The following CFAP57 variants were observed in gnomAD, a reference collection of about 807,000 sequenced individuals.
CFAP57 encodes the protein cilia- and flagella-associated protein 57.
CFAP57 carries 116 observed loss-of-function variants against 146.8 expected under a neutral mutation model. The observed-to-expected ratio is 0.79, with a 90% CI of 0.68 to 0.92. The LOEUF (loss-of-function observed/expected upper bound fraction) is 0.92, where lower values mean the gene tolerates loss of function less well. Among genes scored for constraint, CFAP57 ranks in the 40% least tolerant of loss-of-function variants. The pLI, the probability that CFAP57 is intolerant of heterozygous loss-of-function variation, is 0.00. For synonymous variants in CFAP57, 518 were observed against 552.8 expected (o/e 0.94, Z 0.88); for missense variants, 1,377 against 1,527.2 (o/e 0.90, Z 1.64).
intron 6 of CFAP57, among the ~76,000 whole-genome samples, chr1:43,193,332 A>T (rs1207311963): frequency 1.3e-5 from 2 of 151,974 alleles, no homozygotes; most frequent in African/African-American, 4.8e-5. Context: ...TTTTGATTGG[A>T]TTGTTTAATC....
At chr1:43,219,298 G>C in intron 12 of CFAP57, 84 bp from the exon 13 acceptor site, 1 of 1,392,636 alleles carries the variant, frequency 7.2e-7, no homozygotes, top group Non-Finnish European at 9.6e-7. Context: ...CAGAGCTGCA[G>C]GTCTCAGGTC....
intron 19 of CFAP57, 24 bp from the exon 20 acceptor site, chr1:43,234,255 A>T: frequency 1.3e-6 from 2 of 1,533,238 alleles, no homozygotes; most frequent in Non-Finnish European, 1.8e-6. Flanking sequence ...CTACAGCACC[A>T]GAAGGAAACG....
intron 6 of CFAP57, 122 bp downstream of exon 6, chr1:43,186,981 C>G (rs1231327102): frequency 5.3e-6 from 6 of 1,130,508 alleles, no homozygotes; most frequent in Middle Eastern, 2.5e-4. Flanking sequence ...CCCCTTAATA[C>G]AGAGCAAAAC....
At chr1:43,230,721 TC>T (rs1645433485) in intron 18 of CFAP57, among the ~76,000 whole-genome samples, 1 of 152,236 alleles carries the variant, frequency 6.6e-6, no homozygotes, top group South Asian at 2.1e-4. Context: ...AGTGGACGCA[TC>T]CCATCTTTTT....
chr1:43,251,977 T>A (rs1646335481), intron 22 of CFAP57, among the ~76,000 whole-genome samples: 3 of 152,230 alleles, frequency 2.0e-5, no homozygotes. Flanking sequence ...TTGAATGGAA[T>A]GTAGAATAAG....
chr1:43,234,145 G>T, intron 19 of CFAP57, 134 bp from the exon 20 acceptor site: 1 of 1,056,836 alleles, frequency 9.5e-7, no homozygotes, highest in Non-Finnish European at 1.3e-6. Flanking sequence ...GCCCAGTATG[G>T]CCCCTGGCAG....
In CFAP57 at chr1:43,186,361, C is replaced by A. The variant is rs563245970; in HGVS notation, c.970-346C>A. Among the ~76,000 whole-genome samples the A allele has an allele frequency of 5.3e-5, 8 of 152,204 alleles. No individual in the cohort carries two copies. In the South Asian group the frequency reaches 1.7e-3, roughly 32 times the overall value. On this transcript the variant is annotated intron_variant, in intron 5 of 22. Transcript: ENST00000372492. ...GCGCAGTTGCTCACGCCTGTAATCC[C>A]AGCACTTTGGAAGGCCGAGGCGGGC...
At position 43,243,539 on chromosome 1, in the gene CFAP57, G is replaced by A. The variant is rs147813664; in HGVS notation, c.3538+180G>A. On this transcript the variant is annotated intron_variant, in intron 22 of 22. Coordinates refer to ENST00000372492, the MANE Select transcript of CFAP57 (RefSeq NM_001378189.1). ...ATCCATGAGGGCCTTCCCACACTCC[G>A]ACACACACAGGTCCACAGTCCCCTG... Among the ~76,000 whole-genome samples the A allele has an allele frequency of 5.3e-3, 810 of 152,252 alleles. 9 individuals are homozygous for A. The highest frequency in any genetic ancestry group is 0.018 in the African/African-American group (768 of 41,538).
intron 2 of CFAP57, among the ~76,000 whole-genome samples, chr1:43,177,828 G>A (rs535734985): frequency 1.0e-3 from 154 of 152,312 alleles, no homozygotes; most frequent in Non-Finnish European, 1.9e-3. Flanking sequence ...GAGCTCAGGC[G>A]GTAATGCTTG....
rs1643923016 is a variant in CFAP57, at chr1:43,197,679, A to C, written c.1249A>C (p.Asn417His). The C allele has an allele frequency of 6.2e-7, 1 of 1,614,008 alleles. No individual in the cohort carries two copies. Among genetic ancestry groups the C allele is most frequent in the South Asian group, 1.1e-5 (1 of 91,084 alleles). Residue 417 changes from asparagine (N) to histidine (H), a missense_variant, in exon 7 of 23, where the codon AAT (asparagine) becomes CAT (histidine). By Grantham distance (68) the Asn-to-His change is moderately conservative (BLOSUM62 1). Transcript: ENST00000372492. ...TCTGGATCGATCCATCCGCCTTTGG[A>C]ATTATGAAACAAAGTAAGGAATGAA... Reference protein sequence around the residue: ...CSLDRSIRLWNYETNTLELFK... With the variant: ...CSLDRSIRLWHYETNTLELFK...
chr1:43,208,848 G>A (rs1192961205), intron 10 of CFAP57, among the ~76,000 whole-genome samples: 2 of 150,284 alleles, frequency 1.3e-5, no homozygotes, highest in Non-Finnish European at 3.0e-5. Flanking sequence ...GGGTGAATGA[G>A]TGCATGAATG....
chr1:43,172,609 CAAGGGGAGGAGA>C (rs1216158604), intron 1 of CFAP57, 114 bp from the exon 2 acceptor site: 1 of 768,888 alleles, frequency 1.3e-6, no homozygotes, highest in Non-Finnish European at 2.1e-6. Context: ...AGGGGAGGGA[CAAGGGGAGGAGA>C]AAGGGGAGAG....
At chr1:43,251,520 G>T (rs1053039856) in intron 22 of CFAP57, among the ~76,000 whole-genome samples, 2 of 152,092 alleles carry the variant, frequency 1.3e-5, no homozygotes, top group Non-Finnish European at 2.9e-5. Flanking sequence ...AGAGAAGAAG[G>T]GTAAATTTCT....
intron 2 of CFAP57, among the ~76,000 whole-genome samples, chr1:43,181,238 AT>A (rs1164398601): frequency 1.3e-5 from 2 of 151,958 alleles, no homozygotes; most frequent in Admixed American, 6.6e-5. Flanking sequence ...CACCCGGCTA[AT>A]TTTTTTATTT....
chr1:43,175,817 G>A (rs1557719982), intron 2 of CFAP57, among the ~76,000 whole-genome samples: 1 of 134,806 alleles, frequency 7.4e-6, no homozygotes, highest in East Asian at 1.9e-4. Context: ...TCATGTTTTT[G>A]GGTTTTTTTT....
At chr1:43,206,577 T>A in intron 9 of CFAP57, 143 bp from the exon 10 acceptor site, 1 of 727,754 alleles carries the variant, frequency 1.4e-6, no homozygotes, top group East Asian at 2.6e-5. Context: ...CAAGAAGCTA[T>A]GTTTTGTGCT....
At chr1:43,226,190 A>T (rs189524012) in intron 17 of CFAP57, among the ~76,000 whole-genome samples, 28 of 152,332 alleles carry the variant, frequency 1.8e-4, no homozygotes, top group Non-Finnish European at 3.5e-4. Context: ...AAACTAAGTG[A>T]TTGAAAGCAA....
chr1:43,212,947 A>AAG lies in CFAP57; in HGVS notation c.1930-2307_1930-2306insGA, dbSNP rs1553180116. 9.2e-5 allele frequency among the ~76,000 whole-genome samples: 14 copies of AAG among 151,404 alleles called. No homozygotes were observed. In the South Asian group the frequency reaches 1.0e-3, roughly 11 times the overall value. Reference sequence around the variant, plus strand: ...GCAGACTCTATCTCAAAAAAAAAAAAAAAGAAAGAAAGAAAGAAAAGAAAA... The same window carrying AAG: ...GCAGACTCTATCTCAAAAAAAAAAAAAGAAAGAAAGAAAGAAAGAAAAGAAAA... On this transcript the variant is annotated intron_variant, in intron 11 of 22. Transcript: ENST00000372492.
intron 21 of CFAP57, 69 bp downstream of exon 21, chr1:43,234,707 C>T: frequency 6.8e-7 from 1 of 1,476,852 alleles, no homozygotes; most frequent in South Asian, 1.4e-5. Context: ...CATCAAGGGT[C>T]CCTCTGAGAC....
Sources: gnomAD v4.1 joint callset for allele counts (sites outside exome capture counted in the v4.1 genomes callset) on GRCh38, gnomAD v4.1.1 for gene constraint, MANE v1.5 for transcripts, NCBI Gene and HGNC (gene_info 2026-07-23, HGNC 2026-07-21) for gene names.